Variants in IKZF2 observed in about 807,000 individuals in gnomAD.
IKZF2 encodes IKAROS family zinc finger 2, also known as zinc finger protein Helios.
A neutral mutation model predicts 49.2 loss-of-function variants in IKZF2; 15 were observed. That is an observed-to-expected ratio of 0.30 (90% CI 0.20 to 0.47). IKZF2 has a LOEUF of 0.47. Ranked by LOEUF, IKZF2 falls within the 20% of genes least tolerant of loss-of-function variation. The pLI is 1.00. For missense variants in IKZF2, 567 were observed against 664.6 expected (o/e 0.85, Z 1.61); for synonymous variants, 227 against 221.4 (o/e 1.03, Z -0.23).
intron 7 of IKZF2, among the ~76,000 whole-genome samples, chr2:213,017,354 C>G (rs1210803894): frequency 1.3e-5 from 2 of 152,162 alleles, no homozygotes; most frequent in African/African-American, 4.8e-5. Flanking sequence ...TCTTCCTAGA[C>G]AGTTTTATTT....
intron 1 of IKZF2, 57 bp from the exon 2 acceptor site, chr2:213,150,304 T>C (rs1038415760): frequency 3.2e-6 from 2 of 622,476 alleles, no homozygotes; most frequent in African/African-American, 1.9e-5. Context: ...CCTTCTCTCT[T>C]TCCCTCCCTT....
At chr2:213,056,169 TA>T (rs1387953803) in intron 5 of IKZF2, among the ~76,000 whole-genome samples, 3 of 152,172 alleles carry the variant, frequency 2.0e-5, no homozygotes, top group African/African-American at 7.2e-5. Context: ...CTCAAATGTT[TA>T]AAAATATAGT....
intron 6 of IKZF2, among the ~76,000 whole-genome samples, chr2:213,037,041 T>C (rs1199337833): frequency 6.6e-6 from 1 of 151,698 alleles, no homozygotes; most frequent in East Asian, 1.9e-4. Context: ...TGTTGTGGAG[T>C]TCCAAACATG....
At chr2:213,025,481 A>G (rs1024421369) in intron 6 of IKZF2, among the ~76,000 whole-genome samples, 13 of 152,148 alleles carry the variant, frequency 8.5e-5, no homozygotes, top group Admixed American at 7.2e-4. Context: ...TGCATTACTT[A>G]TAACAACTGT....
At chr2:213,099,208 C>A (rs1346907759) in intron 4 of IKZF2, among the ~76,000 whole-genome samples, 2 of 152,058 alleles carry the variant, frequency 1.3e-5, no homozygotes, top group South Asian at 2.1e-4. Context: ...CTCCTCCCCC[C>A]ATCCTCCTTT....
At chr2:213,103,884 C>T (rs2059432996) in intron 4 of IKZF2, among the ~76,000 whole-genome samples, 1 of 151,978 alleles carries the variant, frequency 6.6e-6, no homozygotes, top group South Asian at 2.1e-4. Context: ...GTTAAAAGGA[C>T]TTTGAATTTG....
At chr2:213,142,768 A>G (rs2060918024) in intron 4 of IKZF2, among the ~76,000 whole-genome samples, 1 of 152,038 alleles carries the variant, frequency 6.6e-6, no homozygotes, top group South Asian at 2.1e-4. Context: ...GTTATAAAAT[A>G]GAGTAATTAC....
chr2:213,130,879 A>G (rs534852909), intron 4 of IKZF2, among the ~76,000 whole-genome samples: 2 of 152,314 alleles, frequency 1.3e-5, no homozygotes, highest in South Asian at 4.1e-4. Flanking sequence ...AGATACAATA[A>G]AAGATTACTT....
intron 5 of IKZF2, among the ~76,000 whole-genome samples, chr2:213,053,277 T>A (rs547708633): frequency 6.6e-6 from 1 of 152,234 alleles, no homozygotes; most frequent in South Asian, 2.1e-4. Context: ...CATATCTCAA[T>A]CTGTTGTTTT....
rs1158104071 is a variant in IKZF2, at chr2:213,002,967, T to C, written c.*4393A>G. The C allele has an allele frequency of 6.6e-6, 1 of 151,922 alleles. No homozygotes were observed. The highest frequency in any genetic ancestry group is 1.9e-4 in the East Asian group (1 of 5,180). The allele number at this position is 151,922 out of a possible 1,614,324, so 9.4% of individuals were successfully genotyped here. A position where few individuals can be genotyped will look rare whatever the true frequency, so the allele number is the denominator to read the frequency against. On this transcript the variant is annotated 3_prime_UTR_variant, in exon 9 of 9. Transcript: ENST00000434687. ...TTTTACCTGCATAATCTTGTAATCA[T>C]ATTCAGAAATACTATGAAACTAAAA...
At chr2:213,028,805 CT>C (rs1465952990) in intron 6 of IKZF2, among the ~76,000 whole-genome samples, 1 of 152,088 alleles carries the variant, frequency 6.6e-6, no homozygotes, top group Non-Finnish European at 1.5e-5. Flanking sequence ...TCTTATTACA[CT>C]CATCAAATGA....
At chr2:213,015,937 T>G (rs1471368660) in intron 7 of IKZF2, among the ~76,000 whole-genome samples, 2 of 152,048 alleles carry the variant, frequency 1.3e-5, no homozygotes, top group Non-Finnish European at 2.9e-5. Flanking sequence ...TTGAACGCAT[T>G]TAACACTCAA....
At chr2:213,099,185 G>A (rs1479108735) in intron 4 of IKZF2, among the ~76,000 whole-genome samples, 1 of 152,024 alleles carries the variant, frequency 6.6e-6, no homozygotes, top group Non-Finnish European at 1.5e-5. Flanking sequence ...GAAGCTACAT[G>A]ACAAAAGTCA....
intron 4 of IKZF2, among the ~76,000 whole-genome samples, chr2:213,122,103 CAGAG>C (rs1317481926): frequency 6.6e-6 from 1 of 152,026 alleles, no homozygotes; most frequent in Non-Finnish European, 1.5e-5. Context: ...GACAGAGAGA[CAGAG>C]AGAGAGGGCA....
At chr2:213,064,537 C>T (rs966088144) in intron 4 of IKZF2, among the ~76,000 whole-genome samples, 2 of 152,010 alleles carry the variant, frequency 1.3e-5, no homozygotes, top group African/African-American at 4.8e-5. Context: ...TTAGCTAACA[C>T]AGTAGCACCA....
chr2:213,092,854 C>T (rs1259550688), intron 4 of IKZF2, among the ~76,000 whole-genome samples: 1 of 152,090 alleles, frequency 6.6e-6, no homozygotes, highest in East Asian at 1.9e-4. Flanking sequence ...TGAGTCAGTG[C>T]CACACAGCTC....
In IKZF2 at chr2:213,001,103, A is replaced by C. The variant is rs1694866229; in HGVS notation, c.*6257T>G. 6.6e-6 allele frequency: 1 copy of C among 151,910 alleles called. No homozygotes were observed. The highest frequency in any genetic ancestry group is 1.5e-5 in the Non-Finnish European group (1 of 67,572). 9.4% of individuals were successfully genotyped at this position (151,910 alleles called of 1,614,324 possible). A position where few individuals can be genotyped will look rare whatever the true frequency, so the allele number is the denominator to read the frequency against. ...AAATCACCATAGTTTTTAAGACTTCAAGGGGAGTATTGCACTTGTACAGAA... is the reference window on the plus strand; with the variant it reads ...AAATCACCATAGTTTTTAAGACTTCCAGGGGAGTATTGCACTTGTACAGAA... On this transcript the variant is annotated 3_prime_UTR_variant, in exon 9 of 9. Transcript: ENST00000434687.
At chr2:213,047,880 T>A (rs1306328043) in intron 6 of IKZF2, among the ~76,000 whole-genome samples, 1 of 151,658 alleles carries the variant, frequency 6.6e-6, no homozygotes, top group Non-Finnish European at 1.5e-5. Context: ...TAGTCACCTA[T>A]CAGATAAAGA....
intron 4 of IKZF2, among the ~76,000 whole-genome samples, chr2:213,115,457 A>G (rs10196879): frequency 0.14 from 21,845 of 152,210 alleles, 3,545 homozygotes; most frequent in African/African-American, 0.41. Context: ...CTGTTTTCAT[A>G]GTGAGGTCTC....
Sources: allele counts gnomAD v4.1 joint callset (sites outside exome capture counted in the v4.1 genomes callset), GRCh38; gene constraint gnomAD v4.1.1; transcripts MANE v1.5; gene names NCBI Gene and HGNC (gene_info 2026-07-23, HGNC 2026-07-21).